TTC7A: variants seen among roughly 807,000 people sequenced by gnomAD.
TTC7A encodes the protein tetratricopeptide repeat protein 7A.
TTC7A carries 110 observed loss-of-function variants against 103.7 expected under a neutral mutation model. That is an observed-to-expected ratio of 1.06 (90% CI 0.91 to 1.24). The LOEUF (loss-of-function observed/expected upper bound fraction) is 1.24, where lower values mean the gene tolerates loss of function less well. Ranked by LOEUF, TTC7A falls within the 50% of genes most tolerant of loss-of-function variation. The pLI is 0.00. For missense variants in TTC7A, 1,340 were observed against 1,116.3 expected, an observed-to-expected ratio of 1.20 and a Z score of -2.86; for synonymous variants, 521 against 467.9, an observed-to-expected ratio of 1.11 and a Z score of -1.47.
At chr2:47,054,442 C>A (rs528065220) in intron 18 of TTC7A, among the ~76,000 whole-genome samples, 1 of 152,302 alleles carries the variant, frequency 6.6e-6, no homozygotes, top group East Asian at 1.9e-4. Context: ...CACACATCAC[C>A]TCCCCTCATG....
chr2:46,930,264 A>G (rs1414557828), intron 2 of TTC7A, among the ~76,000 whole-genome samples: 1 of 151,866 alleles, frequency 6.6e-6, no homozygotes, highest in African/African-American at 2.4e-5. Context: ...AAATCCCTGG[A>G]AAATTATCAA....
Position 47,046,442 on chromosome 2 carries a change from G to A in TTC7A, c.1919+11G>A, listed in dbSNP as rs149412946. The A allele has an allele frequency of 4.0e-5, 64 of 1,608,550 alleles. No homozygotes were observed. The highest frequency in any genetic ancestry group is 1.3e-4 in the South Asian group (12 of 90,962). ...CTTCTCCCAGCTGGGGTGAGTGGCC[G>A]TCATTGTCTCTTGGGTTGCCAGAGG... On this transcript the variant is annotated intron_variant, in intron 16 of 19. Transcript: ENST00000319190.
chr2:47,075,918 C>G lies in TTC7A; in HGVS notation c.*1995C>G, dbSNP rs989617892. 2.0e-5 allele frequency: 3 copies of G among 152,496 alleles called. No homozygotes were observed. The highest frequency in any genetic ancestry group is 7.2e-5 in the African/African-American group (3 of 41,436). The allele number at this position is 152,496 out of a possible 1,614,324, so 9.4% of individuals were successfully genotyped here. On this transcript the variant is annotated 3_prime_UTR_variant, in exon 20 of 20. Transcript: ENST00000319190. Reference sequence around the variant, plus strand: ...GGAGAGGCCAAGGCAGGACTCACGTCTGAACAGAGATCCCCTCGGGCATTG... The same window carrying G: ...GGAGAGGCCAAGGCAGGACTCACGTGTGAACAGAGATCCCCTCGGGCATTG...
intron 8 of TTC7A, among the ~76,000 whole-genome samples, chr2:46,996,527 C>G (rs1435036574): frequency 6.6e-6 from 1 of 152,180 alleles, no homozygotes; most frequent in Non-Finnish European, 1.5e-5. Flanking sequence ...GGCCTCCCAG[C>G]AAATAGGAGC....
intron 16 of TTC7A, among the ~76,000 whole-genome samples, chr2:47,047,816 C>G (rs1682480447): frequency 6.6e-6 from 1 of 152,212 alleles, no homozygotes; most frequent in South Asian, 2.1e-4. Context: ...CCCTAAGCAC[C>G]TCTCCTTGGC....
At chr2:47,011,272 G>C in intron 10 of TTC7A, 59 bp from the exon 11 acceptor site, 2 of 1,513,706 alleles carry the variant, frequency 1.3e-6, no homozygotes, top group Non-Finnish European at 1.8e-6. Flanking sequence ...TCGCCCCACT[G>C]TGGGCCCTTG....
At chr2:46,999,986 T>C (rs1676628043) in intron 8 of TTC7A, 1 of 874,104 alleles carries the variant, frequency 1.1e-6, no homozygotes, top group Admixed American at 6.2e-5. Context: ...GAATTTACCA[T>C]TCACAATCTG....
At chr2:46,992,791 G>T (rs1675764276) in intron 5 of TTC7A, among the ~76,000 whole-genome samples, 1 of 152,240 alleles carries the variant, frequency 6.6e-6, no homozygotes, top group South Asian at 2.1e-4. Context: ...GAAGGAAAAT[G>T]GAAAACCTCA....
chr2:46,941,188 C>T (rs6754439), upstream of TTC7A: 1 of 147,344 alleles, frequency 6.8e-6, no homozygotes, highest in Non-Finnish European at 1.5e-5. This position sits in a 1 kb window ranked among gnomAD's most constrained non-coding sequence, Gnocchi z 4.2. Flanking sequence ...AGGGGCGGGT[C>T]CGCAGCTGGC....
At chr2:46,919,096 C>G (rs778819397) in intron 2 of TTC7A, among the ~76,000 whole-genome samples, 1 of 152,140 alleles carries the variant, frequency 6.6e-6, no homozygotes, top group Non-Finnish European at 1.5e-5. Context: ...CAATGTTTTA[C>G]CTATGTAGGG....
chr2:46,968,451 C>G (rs886606525), intron 3 of TTC7A, among the ~76,000 whole-genome samples: 1 of 152,158 alleles, frequency 6.6e-6, no homozygotes, highest in Non-Finnish European at 1.5e-5. Flanking sequence ...GAAAAGAAAC[C>G]CAAGCCTGCA....
intron 3 of TTC7A, among the ~76,000 whole-genome samples, chr2:46,962,565 T>C (rs1390513544): frequency 6.6e-6 from 1 of 152,192 alleles, no homozygotes; most frequent in East Asian, 1.9e-4. Context: ...CAAAGCATGC[T>C]CCTGGAGGGA....
chr2:46,954,880 T>C (rs913587790), intron 2 of TTC7A, among the ~76,000 whole-genome samples: 4 of 152,154 alleles, frequency 2.6e-5, no homozygotes. Flanking sequence ...CGAGCATTTT[T>C]TTAAATAGTG....
rs988761141 is a variant in TTC7A, at chr2:47,069,492, A to AG, written c.2356-4205dup. On this transcript the variant is annotated intron_variant, in intron 19 of 19. Coordinates refer to ENST00000319190, the MANE Select transcript of TTC7A (RefSeq NM_020458.4). ...GCAGGAGCCTCTTCTTTTGAGGCCC[A>AG]GGGGGCTCTGGGGTGAACACATCCC... Among the ~76,000 whole-genome samples the AG allele has an allele frequency of 9.2e-5, 14 of 152,180 alleles. No individual in the cohort carries two copies. In the South Asian group the frequency reaches 1.5e-3, roughly 16 times the overall value.
chr2:46,958,122 G>A (rs1401890290), intron 3 of TTC7A, among the ~76,000 whole-genome samples: 1 of 152,090 alleles, frequency 6.6e-6, no homozygotes, highest in Non-Finnish European at 1.5e-5. Flanking sequence ...GTCCCAGGAG[G>A]AGTGACTGTG....
At chr2:47,060,247 G>A (rs1435243214) in intron 18 of TTC7A, among the ~76,000 whole-genome samples, 1 of 152,144 alleles carries the variant, frequency 6.6e-6, no homozygotes, top group East Asian at 1.9e-4. Context: ...GTGCGTGCCT[G>A]TAACCCCAGC....
intron 5 of TTC7A, among the ~76,000 whole-genome samples, chr2:46,992,258 C>T (rs964373483): frequency 2.6e-5 from 4 of 152,208 alleles, no homozygotes; most frequent in African/African-American, 7.2e-5. Context: ...AACACGGGAG[C>T]GATGCGCCTG....
rs754233669 is a variant in TTC7A at position 46,950,393 on chromosome 2, C to T, written c.215C>T (p.Ala72Val). ...TTTGGGAAATTGCTGCTGGCTGAGG[C>T]CCTCCTGGAGCAGTGTTTGAAGGAG... ...DDFGKLLLAEALLEQCLKENH... is the reference protein window; with the variant it reads ...DDFGKLLLAEVLLEQCLKENH... Residue 72 changes from alanine (A) to valine (V), a missense_variant, in exon 2 of 20, where the codon GCC (alanine) becomes GTC (valine). Ala to Val is a moderately conservative substitution (Grantham distance 64). Coordinates refer to ENST00000319190, the MANE Select transcript of TTC7A (RefSeq NM_020458.4). 6.2e-7 allele frequency: 1 copy of T among 1,614,088 alleles called. No individual in the cohort carries two copies. The highest frequency in any genetic ancestry group is 8.5e-7 in the Non-Finnish European group (1 of 1,180,020).
chr2:47,043,358 C>A (rs546721220), intron 15 of TTC7A, among the ~76,000 whole-genome samples: 1 of 152,290 alleles, frequency 6.6e-6, no homozygotes, highest in Non-Finnish European at 1.5e-5. Flanking sequence ...TACAGAAAGC[C>A]AGAGGGCGAC....
Sources: allele counts gnomAD v4.1 joint callset (sites outside exome capture counted in the v4.1 genomes callset), GRCh38; gene constraint gnomAD v4.1.1; non-coding constraint Gnocchi (gnomAD v3.1); transcripts MANE v1.5; gene names NCBI Gene and HGNC (gene_info 2026-07-23, HGNC 2026-07-21).